Variants in ZNF385D observed in about 807,000 individuals in gnomAD.
The protein encoded by ZNF385D is zinc finger protein 385D.
A neutral mutation model predicts 35.8 loss-of-function variants in ZNF385D; 15 were observed. The observed-to-expected ratio is 0.42, with a 90% CI of 0.28 to 0.64. The LOEUF (loss-of-function observed/expected upper bound fraction) is 0.64. ZNF385D is among the 30% of genes least tolerant of loss of function. The pLI is 0.23. For missense variants in ZNF385D, 474 were observed against 494.6 expected (o/e 0.96, Z 0.39); for synonymous variants, 212 against 186.8 (o/e 1.13, Z -1.10).
chr3:21,713,160 A>T (rs79419217), intron 1 of ZNF385D, among the ~76,000 whole-genome samples: 2 of 152,268 alleles, frequency 1.3e-5, no homozygotes. Flanking sequence ...GCACACCCAC[A>T]CATGTGGAGT....
At chr3:21,645,442 T>C (rs1213771382) in intron 2 of ZNF385D, among the ~76,000 whole-genome samples, 5 of 152,152 alleles carry the variant, frequency 3.3e-5, no homozygotes, top group Non-Finnish European at 7.4e-5. Flanking sequence ...TCTTGAACTC[T>C]CCTAAAGGTG....
rs1012093523 is a variant in ZNF385D at position 21,684,165 on chromosome 3, C to A, written c.23-19137G>T. 2.7e-5 allele frequency among the ~76,000 whole-genome samples: 4 copies of A among 149,534 alleles called. 1 individual carries two copies. Among genetic ancestry groups the A allele is most frequent in the Non-Finnish European group, 5.9e-5 (4 of 67,312 alleles). ...TGCCAAACATCACTGTCTCCTGTAA[C>A]AACTTTCAAGCACGCTCTTTTTACT... On this transcript the variant is annotated intron_variant, in intron 1 of 7. Coordinates refer to ENST00000281523, the MANE Select transcript of ZNF385D (RefSeq NM_024697.3).
rs141383430 is a variant in ZNF385D, at chr3:22,141,085, G to A, written c.325+27732C>T. Among the ~76,000 whole-genome samples, 1,269 of 152,226 alleles carry A rather than the reference G, an allele frequency of 8.3e-3. 12 individuals carry two copies. Among genetic ancestry groups the A allele is most frequent in the South Asian group, 0.022 (107 of 4,828 alleles). ...TTAAGAGATTTACTGTAGCCCATTT[G>A]AAAGCCAACTATTTAAAAGGCAACA... On this transcript the variant is annotated intron_variant, in intron 3 of 5. Transcript: ENST00000494108.
chr3:22,088,667 A>G (rs1196714911), intron 3 of ZNF385D, among the ~76,000 whole-genome samples: 1 of 152,132 alleles, frequency 6.6e-6, no homozygotes, highest in Non-Finnish European at 1.5e-5. Flanking sequence ...GGGACCATAC[A>G]TAAGCTGCAG....
intron 1 of ZNF385D, among the ~76,000 whole-genome samples, chr3:21,748,715 A>T (rs2069904804): frequency 6.6e-6 from 1 of 152,242 alleles, no homozygotes; most frequent in Admixed American, 6.5e-5. Context: ...AAGTGAAAGC[A>T]TTGCTTGGAA....
intron 2 of ZNF385D, among the ~76,000 whole-genome samples, chr3:21,621,661 G>A (rs1383253116): frequency 1.4e-5 from 2 of 145,770 alleles, no homozygotes. Flanking sequence ...TGTCCACTTG[G>A]CTAATAATGC....
chr3:22,308,693 T>C (rs980768632), intron 2 of ZNF385D, among the ~76,000 whole-genome samples: 89 of 152,170 alleles, frequency 5.8e-4, no homozygotes, highest in African/African-American at 2.0e-3. Flanking sequence ...GGGGAACTCA[T>C]GCCAGACTCA....
At chr3:21,558,768 G>A (rs899447377) in intron 3 of ZNF385D, among the ~76,000 whole-genome samples, 1 of 152,030 alleles carries the variant, frequency 6.6e-6, no homozygotes, top group Admixed American at 6.6e-5. Flanking sequence ...ATTATTGTGT[G>A]GGAATCTAAG....
intron 4 of ZNF385D, among the ~76,000 whole-genome samples, chr3:21,498,457 A>G (rs537311788): frequency 1.3e-5 from 2 of 152,332 alleles, no homozygotes; most frequent in South Asian, 4.1e-4. Flanking sequence ...TTTGCAAACT[A>G]TCAATTCGAT....
chr3:21,556,082 T>G lies in ZNF385D; in HGVS notation c.276+8492A>C, dbSNP rs565846796. Among the ~76,000 whole-genome samples, 84 of 149,040 alleles carry G rather than the reference T, an allele frequency of 5.6e-4. 1 individual carries two copies. Among genetic ancestry groups the G allele is most frequent in the Admixed American group, 1.8e-3 (27 of 15,006 alleles). The stretch of plus-strand genomic sequence containing the variant: ...TTTTTGTTTTTGTTTTTTTTTTTTT[T>G]TTTTTGTAAATTTAAGTTCTTTGTA... On this transcript the variant is annotated intron_variant, in intron 3 of 7. Coordinates refer to ENST00000281523, the MANE Select transcript of ZNF385D (RefSeq NM_024697.3).
rs537682152 is a variant in ZNF385D, at chr3:21,459,124, T to C, written c.440-21921A>G. On this transcript the variant is annotated intron_variant, in intron 4 of 7. Coordinates refer to ENST00000281523, the MANE Select transcript of ZNF385D (RefSeq NM_024697.3). ...ACTCATATGTTGATACAGGGTAGATTTCAGAAGTCTCAAGACAGGAGACAG... is the reference window on the plus strand; with the variant it reads ...ACTCATATGTTGATACAGGGTAGATCTCAGAAGTCTCAAGACAGGAGACAG... Among the ~76,000 whole-genome samples, 18 of 152,176 alleles carry C rather than the reference T, an allele frequency of 1.2e-4. 1 individual carries two copies. Among genetic ancestry groups the C allele is most frequent in the South Asian group, 8.3e-4 (4 of 4,820 alleles).
chr3:22,352,560 C>T lies in ZNF385D; in HGVS notation c.106+19890G>A, dbSNP rs79091223. ...CTTTGATTCTTGTAATATAATCATA[C>T]CCTAACACATTTTTAGTGAGTGGCT... On this transcript the variant is annotated intron_variant, in intron 2 of 5. Transcript: ENST00000494108. 4.4e-3 allele frequency among the ~76,000 whole-genome samples: 672 copies of T among 152,200 alleles called. 14 individuals are homozygous for T. The East Asian group carries it at 0.061, about 14-fold the overall frequency.
chr3:22,175,768 T>C (rs1301737147), intron 2 of ZNF385D, among the ~76,000 whole-genome samples: 2 of 151,410 alleles, frequency 1.3e-5, no homozygotes, highest in Non-Finnish European at 3.0e-5. Flanking sequence ...CATATGCATA[T>C]ATAATGTATA....
chr3:21,493,474 G>A (rs887239927), intron 4 of ZNF385D, among the ~76,000 whole-genome samples: 2 of 151,928 alleles, frequency 1.3e-5, no homozygotes, highest in African/African-American at 4.8e-5. Context: ...TCATGTTTAG[G>A]AAATTGACAC....
chr3:21,440,420 A>G (rs140535904), intron 4 of ZNF385D, among the ~76,000 whole-genome samples: 1,685 of 152,244 alleles, frequency 0.011, 81 homozygotes, highest in Admixed American at 0.084. Flanking sequence ...AGTACTCCTC[A>G]AAACTAGCAA....
Position 21,415,768 on chromosome 3 carries a change from C to T in ZNF385D, c.*5446G>A, listed in dbSNP as rs1319504361. The T allele has an allele frequency of 6.6e-6, 1 of 152,034 alleles. No individual in the cohort carries two copies. Among genetic ancestry groups the T allele is most frequent in the South Asian group, 2.1e-4 (1 of 4,822 alleles). 9.4% of individuals were successfully genotyped at this position (152,034 alleles called of 1,614,324 possible). A position where few individuals can be genotyped will look rare whatever the true frequency, so the allele number is the denominator to read the frequency against. ...CCCCATTATCGGCTGTCTTAGTTAA[C>T]CAAACTCTAAGATACTCTACCTGAT... On this transcript the variant is annotated 3_prime_UTR_variant, in exon 8 of 8. Transcript: ENST00000281523.
intron 2 of ZNF385D, among the ~76,000 whole-genome samples, chr3:22,277,820 A>T (rs1701506972): frequency 6.6e-6 from 1 of 152,124 alleles, no homozygotes; most frequent in South Asian, 2.1e-4. Flanking sequence ...ATGGCTAAGC[A>T]TTACATGATG....
rs2066947691 is a variant in ZNF385D at position 21,682,466 on chromosome 3, T to G, written c.23-17438A>C. On this transcript the variant is annotated intron_variant, in intron 1 of 7. Transcript: ENST00000281523. ...ACATAGAAAGAATGGTGAACAGATG[T>G]TCTTCATTTCCACTTAAGACAGAAA... Among the ~76,000 whole-genome samples the G allele has an allele frequency of 1.3e-5, 2 of 150,318 alleles. 1 individual carries two copies. The highest frequency in any genetic ancestry group is 3.0e-5 in the Non-Finnish European group (2 of 67,478).
chr3:21,842,982 T>C (rs1312699012), intron 3 of ZNF385D, among the ~76,000 whole-genome samples: 1 of 152,008 alleles, frequency 6.6e-6, no homozygotes, highest in Non-Finnish European at 1.5e-5. Context: ...TTGGTCCTTA[T>C]TTGAAATAGT....
Sources: allele counts gnomAD v4.1 joint callset (sites outside exome capture counted in the v4.1 genomes callset), GRCh38; gene constraint gnomAD v4.1.1; transcripts MANE v1.5; gene names NCBI Gene and HGNC (gene_info 2026-07-23, HGNC 2026-07-21).